The following CD300LG variants were observed in gnomAD, a reference collection of about 807,000 sequenced individuals.
CD300LG encodes CMRF35-like molecule 9.
In CD300LG, 29 loss-of-function variants were observed where a neutral mutation model predicts 31.5. The ratio of observed to expected loss-of-function variants is 0.92; its 90% CI spans 0.68 to 1.25. The LOEUF is 1.25. CD300LG is among the 50% of genes most tolerant of loss of function. The probability of loss-of-function intolerance (pLI) is 0.00; values close to 1 mark genes in which losing one functional copy is unlikely to be tolerated. For missense variants in CD300LG, 396 were observed against 417.6 expected, an observed-to-expected ratio of 0.95 and a Z score of 0.45; for synonymous variants, 175 against 177.2, an observed-to-expected ratio of 0.99 and a Z score of 0.10.
chr17:43,848,018 G>A (rs1598386120), intron 1 of CD300LG, among the ~76,000 whole-genome samples: 1 of 152,094 alleles, frequency 6.6e-6, no homozygotes, highest in Admixed American at 6.6e-5. Flanking sequence ...TGAGGCGGAC[G>A]GATCACAAGG....
intron 6 of CD300LG, chr17:43,861,366 AACCCCAC>A: frequency 1.2e-6 from 1 of 804,032 alleles, no homozygotes; most frequent in Non-Finnish European, 1.5e-6. Context: ...CTGCTCCCCA[AACCCCAC>A]ACCCCCGCAT....
chr17:43,850,959 A>AC (rs1381120446), intron 2 of CD300LG, among the ~76,000 whole-genome samples: 3 of 147,570 alleles, frequency 2.0e-5, no homozygotes, highest in Non-Finnish European at 4.5e-5. Flanking sequence ...AAATGGTGAA[A>AC]CCCCGTCTCT....
At chr17:43,857,264 C>T in intron 6 of CD300LG, 108 bp downstream of exon 6, 4 of 1,456,342 alleles carry the variant, frequency 2.7e-6, no homozygotes, top group Admixed American at 3.8e-5. Context: ...CCTTGCCTGA[C>T]CTAGAGGCAG....
chr17:43,858,765 G>A, intron 6 of CD300LG: 1 of 941,672 alleles, frequency 1.1e-6, no homozygotes, highest in East Asian at 1.2e-4. Flanking sequence ...CCACATTCGG[G>A]TCAAAGAGGG....
intron 5 of CD300LG, 81 bp from the exon 6 acceptor site, chr17:43,857,023 G>A (rs1386896440): frequency 2.5e-5 from 36 of 1,442,438 alleles, no homozygotes; most frequent in Non-Finnish European, 3.5e-5. Context: ...AAGGGGGCCA[G>A]TCCACCTTTC....
Position 43,862,231 on chromosome 17 carries a change from A to T in CD300LG, c.*320A>T, listed in dbSNP as rs2046667617. Reference sequence around the variant, plus strand: ...GCTCAGTGGATCTGGTCTGAGTTTCAATCTGCCAGGAACTCCTGGGCCTCA... The same window carrying T: ...GCTCAGTGGATCTGGTCTGAGTTTCTATCTGCCAGGAACTCCTGGGCCTCA... On this transcript the variant is annotated 3_prime_UTR_variant, in exon 7 of 7. Coordinates refer to ENST00000317310, the MANE Select transcript of CD300LG (RefSeq NM_145273.4). 1 of 184,272 alleles carries T rather than the reference A, an allele frequency of 5.4e-6. No individual in the cohort carries two copies. Among genetic ancestry groups the T allele is most frequent in the South Asian group, 1.8e-4 (1 of 5,502 alleles). 11.4% of individuals were successfully genotyped at this position (184,272 alleles called of 1,614,324 possible).
Position 43,863,382 on chromosome 17 carries a change from G to A in CD300LG, c.*1471G>A, listed in dbSNP as rs1444619957. On this transcript the variant is annotated 3_prime_UTR_variant, in exon 7 of 7. Coordinates refer to ENST00000317310, the MANE Select transcript of CD300LG (RefSeq NM_145273.4). ...ATGCAAAACTTGGAAAGATGGAGGA[G>A]AAAAAGAAAAGGAAGAAAAAAATGT... is the stretch of plus-strand genomic sequence containing the variant. 1 of 152,126 alleles carries A rather than the reference G, an allele frequency of 6.6e-6. No homozygotes were observed. The highest frequency in any genetic ancestry group is 2.4e-5 in the African/African-American group (1 of 41,404). The allele number at this position is 152,126 out of a possible 1,614,324, so 9.4% of individuals were successfully genotyped here.
chr17:43,860,663 G>T (rs1030216628), intron 6 of CD300LG, among the ~76,000 whole-genome samples: 5 of 152,254 alleles, frequency 3.3e-5, no homozygotes, highest in African/African-American at 1.2e-4. Flanking sequence ...ATAATGGATT[G>T]CTCAGACCCA....
At position 43,862,137 on chromosome 17, in the gene CD300LG, G is replaced by T; in HGVS notation, c.*226G>T. On this transcript the variant is annotated 3_prime_UTR_variant, in exon 7 of 7. Transcript: ENST00000317310. The stretch of plus-strand genomic sequence containing the variant: ...CCTTGCTCTTCCGGCTGGAGACTGG[G>T]ACATCCCTGATAGGTTCACATCCCT... 1 of 409,882 alleles carries T rather than the reference G, an allele frequency of 2.4e-6. No homozygotes were observed. Among genetic ancestry groups the T allele is most frequent in the Non-Finnish European group, 4.4e-6 (1 of 228,410 alleles). 25.4% of individuals were successfully genotyped at this position (409,882 alleles called of 1,614,324 possible). A position where few individuals can be genotyped will look rare whatever the true frequency, so the allele number is the denominator to read the frequency against.
Position 43,855,414 on chromosome 17 carries a change from G to C in CD300LG, c.832+95G>C, listed in dbSNP as rs145592342. The C allele has an allele frequency of 1.1e-4, 73 of 680,560 alleles. No individual in the cohort carries two copies. The Middle Eastern group carries it at 1.3e-3, about 12-fold the overall frequency. The allele number at this position is 680,560 out of a possible 1,614,324, so 42.2% of individuals were successfully genotyped here. ...CCCCATCCAGCCCTGGAAAGACCCT[G>C]TGGGTCTCAGCGTGTCTGTCTGAGA... On this transcript the variant is annotated intron_variant, in intron 5 of 6. Transcript: ENST00000317310.
At chr17:43,847,336 C>A in intron 1 of CD300LG, 77 bp downstream of exon 1, 1 of 1,456,004 alleles carries the variant, frequency 6.9e-7, no homozygotes, top group Non-Finnish European at 9.4e-7. Context: ...TCTTGACTGA[C>A]TGATAGCCCC....
Position 43,848,663 on chromosome 17 carries a change from G to A in CD300LG, c.149G>A (p.Trp50Ter). The A allele has an allele frequency of 6.2e-7, 1 of 1,614,118 alleles. No individual in the cohort carries two copies. Among genetic ancestry groups the A allele is most frequent in the Non-Finnish European group, 8.5e-7 (1 of 1,180,024 alleles). ...GAGCTGAGGGACCACCGGAAGTACT[G>A]GTGCAGGAAGGGTGGGATCCTCTTC... ...REELRDHRKY[W>*]CRKGGILFSR... The change falls in exon 2 of 7, where the codon TGG becomes TAG. Residue 50 changes from tryptophan (W) to a stop codon, truncating the protein, a stop_gained. Transcript: ENST00000317310. LOFTEE classifies it high-confidence loss of function.
rs1308523698 is a variant in CD300LG, at chr17:43,860,032, A to C, written c.886-1766A>C. ...ATTACAGGCAAGAGCCACCACACCCAGGCTTCATCTTAGCATTTCTAACAA... is the reference window on the plus strand; with the variant it reads ...ATTACAGGCAAGAGCCACCACACCCCGGCTTCATCTTAGCATTTCTAACAA... On this transcript the variant is annotated intron_variant, in intron 6 of 6. Transcript: ENST00000317310. Among the ~76,000 whole-genome samples the C allele has an allele frequency of 2.6e-5, 4 of 152,198 alleles. No homozygotes were observed. The East Asian group carries it at 5.8e-4, about 22-fold the overall frequency.
chr17:43,856,701 T>C (rs1304576254), intron 5 of CD300LG, among the ~76,000 whole-genome samples: 3 of 152,162 alleles, frequency 2.0e-5, no homozygotes, highest in Non-Finnish European at 4.4e-5. Context: ...CAAACTTTGA[T>C]TGCCAGCTAG....
chr17:43,847,409 G>A, intron 1 of CD300LG, 150 bp downstream of exon 1: 2 of 743,690 alleles, frequency 2.7e-6, no homozygotes, highest in Non-Finnish European at 4.1e-6. Context: ...GTGGGGGGAG[G>A]TGGGGGTGGC....
At chr17:43,859,407 G>A (rs1318313073) in intron 6 of CD300LG, among the ~76,000 whole-genome samples, 1 of 152,158 alleles carries the variant, frequency 6.6e-6, no homozygotes, top group Non-Finnish European at 1.5e-5. Flanking sequence ...ATGCTTGCTG[G>A]AACAGGGCCG....
intron 1 of CD300LG, among the ~76,000 whole-genome samples, chr17:43,847,883 C>A (rs2046228249): frequency 6.6e-6 from 1 of 152,064 alleles, no homozygotes; most frequent in Admixed American, 6.5e-5. Context: ...CCCCAGAGGT[C>A]AAGGCTACAG....
intron 6 of CD300LG, chr17:43,858,597 A>G (rs2046590070): frequency 1.0e-6 from 1 of 985,312 alleles, no homozygotes; most frequent in African/African-American, 1.7e-5. Context: ...GTTGAGGGAA[A>G]GATGGAACAG....
chr17:43,860,611 T>A (rs763875684), intron 6 of CD300LG, among the ~76,000 whole-genome samples: 4 of 152,354 alleles, frequency 2.6e-5, no homozygotes, highest in Admixed American at 1.3e-4. Context: ...GACCCTGGAC[T>A]ACCTGCTGTC....
Sources: allele counts gnomAD v4.1 joint callset (sites outside exome capture counted in the v4.1 genomes callset), GRCh38; gene constraint gnomAD v4.1.1; transcripts MANE v1.5; gene names NCBI Gene and HGNC (gene_info 2026-07-23, HGNC 2026-07-21).